The following KLHL31 variants were observed in gnomAD, a reference collection of about 807,000 sequenced individuals.
KLHL31 encodes kelch like family member 31.
Under a neutral mutation model 47.1 loss-of-function variants are expected in KLHL31, and 32 were observed. That is an observed-to-expected ratio of 0.68 (90% CI 0.51 to 0.91). The LOEUF (loss-of-function observed/expected upper bound fraction) is 0.91, where lower values mean the gene tolerates loss of function less well. Ranked by LOEUF, KLHL31 falls within the 40% of genes least tolerant of loss-of-function variation. KLHL31 has a pLI of 0.00. For synonymous variants in KLHL31, 330 were observed against 325.1 expected, an observed-to-expected ratio of 1.01 and a Z score of -0.16; for missense variants, 797 against 819.3, an observed-to-expected ratio of 0.97 and a Z score of 0.33.
In KLHL31 at chr6:53,655,284, C is replaced by T. The variant is rs773350638; in HGVS notation, c.-12G>A. ...TTTTTGGGTGCCATGTTGGCAAATA[C>T]ACTGTTACAGGCAAGAGCTTGCTAA... On this transcript the variant is annotated 5_prime_UTR_variant, in exon 2 of 3. Coordinates refer to ENST00000370905, the MANE Select transcript of KLHL31 (RefSeq NM_001003760.5). 1.6e-5 allele frequency: 25 copies of T among 1,523,234 alleles called. No individual in the cohort carries two copies. Among genetic ancestry groups the T allele is most frequent in the South Asian group, 1.6e-4 (12 of 76,990 alleles). 94.4% of individuals were successfully genotyped at this position (1,523,234 alleles called of 1,614,324 possible).
Position 53,652,152 on chromosome 6 carries a change from G to A in KLHL31, c.1351C>T (p.Pro451Ser). Reference protein sequence around the residue: ...PSTNQWQPKTPLEVARCCHAS... With the variant: ...PSTNQWQPKTSLEVARCCHAS... Reference sequence around the variant, plus strand: ...TGGCAGCAGCGCGCCACCTCCAGGGGCGTCTTCGGCTGCCACTGATTGGTG... The same window carrying A: ...TGGCAGCAGCGCGCCACCTCCAGGGACGTCTTCGGCTGCCACTGATTGGTG... Residue 451 changes from proline (P) to serine (S), a missense_variant, in exon 3 of 3, where the codon CCC (proline) becomes TCC (serine). Physicochemically the swap from Pro to Ser is moderately conservative, Grantham distance 74 (BLOSUM62 -1). Coordinates refer to ENST00000370905, the MANE Select transcript of KLHL31 (RefSeq NM_001003760.5). 6.2e-7 allele frequency: 1 copy of A among 1,605,542 alleles called. No homozygotes were observed. Among genetic ancestry groups the A allele is most frequent in the Non-Finnish European group, 8.5e-7 (1 of 1,179,066 alleles).
Position 53,649,253 on chromosome 6 carries a change from A to G in KLHL31, c.*2345T>C, listed in dbSNP as rs959586801. On this transcript the variant is annotated 3_prime_UTR_variant, in exon 3 of 3. Coordinates refer to ENST00000370905, the MANE Select transcript of KLHL31 (RefSeq NM_001003760.5). ...AAACTTTCACCGACCCTTACATTCC[A>G]TACTCCTCGCCAATGTGTTATGTCA... is the stretch of plus-strand genomic sequence containing the variant. 1.1e-4 allele frequency: 17 copies of G among 152,230 alleles called. No homozygotes were observed. Among genetic ancestry groups the G allele is most frequent in the African/African-American group, 3.9e-4 (16 of 41,552 alleles). 9.4% of individuals were successfully genotyped at this position (152,230 alleles called of 1,614,324 possible). A position where few individuals can be genotyped will look rare whatever the true frequency, so the allele number is the denominator to read the frequency against.
intron 1 of KLHL31, among the ~76,000 whole-genome samples, chr6:53,660,677 G>C (rs150120468): frequency 2.0e-5 from 3 of 152,150 alleles, no homozygotes; most frequent in Admixed American, 6.5e-5. Context: ...AGCTGGATGT[G>C]GTGGCATGCA....
At chr6:53,653,469 A>G (rs143661124) in intron 2 of KLHL31, among the ~76,000 whole-genome samples, 388 of 152,370 alleles carry the variant, frequency 2.5e-3, no homozygotes, top group Non-Finnish European at 4.3e-3. Flanking sequence ...TTTTAATCAT[A>G]AATATATAAA....
chr6:53,648,957 G>A lies in KLHL31; in HGVS notation c.*2641C>T, dbSNP rs1388286640. 5 of 152,074 alleles carry A rather than the reference G, an allele frequency of 3.3e-5. No individual in the cohort carries two copies. The highest frequency in any genetic ancestry group is 4.2e-4 in the South Asian group (2 of 4,818). The allele number at this position is 152,074 out of a possible 1,614,324, so 9.4% of individuals were successfully genotyped here. ...TTTTATTTGATCACAGGACTCAGCC[G>A]TTACAAAAATAACAAGTCATTTTCT... On this transcript the variant is annotated 3_prime_UTR_variant, in exon 3 of 3. Coordinates refer to ENST00000370905, the MANE Select transcript of KLHL31 (RefSeq NM_001003760.5).
Position 53,651,606 on chromosome 6 carries a change from T to C in KLHL31, c.1897A>G (p.Ser633Gly), listed in dbSNP as rs369927487. The part of the protein sequence containing the change: ...RASSVSSVPV[S>G]I ...CCTGCATCTACCTGGGCTCAGATAC[T>C]GACTGGCACAGAAGATACCGAACTG... The change falls in exon 3 of 3, where the codon AGT becomes GGT. Residue 633 changes from serine to glycine, a missense_variant. Ser to Gly is a moderately conservative substitution (Grantham distance 56). Coordinates refer to ENST00000370905, the MANE Select transcript of KLHL31 (RefSeq NM_001003760.5). The C allele has an allele frequency of 1.9e-6, 3 of 1,610,836 alleles. No individual in the cohort carries two copies. The South Asian group carries it at 3.3e-5, about 18-fold the overall frequency.
chr6:53,651,096 ATTAAATC>A lies in KLHL31; in HGVS notation c.*495_*501del, dbSNP rs1764456101. On this transcript the variant is annotated 3_prime_UTR_variant, in exon 3 of 3. Transcript: ENST00000370905. ...GGGGAAAATTGCGTTGAAATACAGA[ATTAAATC>A]TTAAGTCTTTATGGAGATCGACAAT... 1 of 152,356 alleles carries A rather than the reference ATTAAATC, an allele frequency of 6.6e-6. No individual in the cohort carries two copies. Among genetic ancestry groups the A allele is most frequent in the African/African-American group, 2.4e-5 (1 of 41,452 alleles). 9.4% of individuals were successfully genotyped at this position (152,356 alleles called of 1,614,324 possible).
Position 53,654,641 on chromosome 6 carries a change from A to G in KLHL31, c.632T>C (p.Leu211Pro). 1.2e-6 allele frequency: 2 copies of G among 1,614,200 alleles called. No individual in the cohort carries two copies. Among genetic ancestry groups the G allele is most frequent in the Non-Finnish European group, 1.7e-6 (2 of 1,180,022 alleles). ...EFAESDQFMK[L>P]TFEQINELLI... ...AAGTTCATTAATTTGTTCAAATGTA[A>G]GTTTCATAAACTGATCCGATTCTGC... Residue 211 changes from leucine to proline, a missense_variant, in exon 2 of 3, where the codon CTT (leucine) becomes CCT (proline). Physicochemically the swap from Leu to Pro is moderately conservative, Grantham distance 98. Transcript: ENST00000370905.
intron 1 of KLHL31, among the ~76,000 whole-genome samples, chr6:53,663,640 A>G (rs954596426): frequency 2.6e-5 from 4 of 152,232 alleles, no homozygotes; most frequent in African/African-American, 7.2e-5. Context: ...TACAGACTCT[A>G]TGCACTAAGT....
chr6:53,657,386 A>G (rs1289822669), intron 1 of KLHL31, among the ~76,000 whole-genome samples: 1 of 152,206 alleles, frequency 6.6e-6, no homozygotes, highest in Non-Finnish European at 1.5e-5. Context: ...AACACTATAG[A>G]AAACTTATAT....
chr6:53,654,360 G>T lies in KLHL31; in HGVS notation c.913C>A (p.Gln305Lys), dbSNP rs774390440. 9 of 1,614,092 alleles carry T rather than the reference G, an allele frequency of 5.6e-6. No individual in the cohort carries two copies. Among genetic ancestry groups the T allele is most frequent in the Non-Finnish European group, 7.6e-6 (9 of 1,180,040 alleles). The change falls in exon 2 of 3, where the codon CAA (glutamine) becomes AAA (lysine). Residue 305 changes from glutamine (Q) to lysine (K), a missense_variant. Coordinates refer to ENST00000370905, the MANE Select transcript of KLHL31 (RefSeq NM_001003760.5). ...HLLPYHQNTLQSRRTRIRGGC... is the reference protein window; with the variant it reads ...HLLPYHQNTLKSRRTRIRGGC... ...CCTCGGATTCTTGTTCGCCTAGATT[G>T]CAATGTGTTTTGATGATATGGAAGC...
chr6:53,652,312 G>A lies in KLHL31; in HGVS notation c.1191C>T (p.Asn397=). ...SNFCRYDPRF[N]TWIHLASMNQ... is the part of the protein sequence containing the mutation. ...TCATGCTGGCCAGGTGTATCCAGGT[G>A]TTGAAGCGGGGATCGTATCTGGAAA... Residue 397 remains asparagine (N), a synonymous_variant, in exon 3 of 3, where the codon AAC becomes AAT. Coordinates refer to ENST00000370905, the MANE Select transcript of KLHL31 (RefSeq NM_001003760.5). The A allele has an allele frequency of 1.2e-6, 2 of 1,614,088 alleles. No homozygotes were observed. Among genetic ancestry groups the A allele is most frequent in the Non-Finnish European group, 1.7e-6 (2 of 1,180,046 alleles).
intron 1 of KLHL31, 143 bp downstream of exon 1, chr6:53,665,458 A>G (rs1037197319): frequency 6.6e-6 from 1 of 152,168 alleles, no homozygotes; most frequent in African/African-American, 2.4e-5. Context: ...AGGGACATGA[A>G]CCACCTGACC....
chr6:53,661,762 A>C (rs1764649359), intron 1 of KLHL31, among the ~76,000 whole-genome samples: 2 of 152,184 alleles, frequency 1.3e-5, no homozygotes, highest in African/African-American at 4.8e-5. Flanking sequence ...TTCACTGTGC[A>C]CTTCTAGGTC....
At chr6:53,658,729 A>T (rs1354216344) in intron 1 of KLHL31, among the ~76,000 whole-genome samples, 1 of 152,200 alleles carries the variant, frequency 6.6e-6, no homozygotes, top group African/African-American at 2.4e-5. Context: ...ATTAATAACA[A>T]TAAGCTATCT....
At position 53,648,436 on chromosome 6, in the gene KLHL31, GC is replaced by G. The variant is rs1188399752; in HGVS notation, c.*3161del. 6.6e-6 allele frequency: 1 copy of G among 152,072 alleles called. No homozygotes were observed. The highest frequency in any genetic ancestry group is 1.5e-5 in the Non-Finnish European group (1 of 67,988). The allele number at this position is 152,072 out of a possible 1,614,324, so 9.4% of individuals were successfully genotyped here. ...CTTGGATGAGTTCTGAAGACACTTGGCCAGGATAACCAGCAAAAAAATAAAA... is the reference window on the plus strand; with the variant it reads ...CTTGGATGAGTTCTGAAGACACTTGGCAGGATAACCAGCAAAAAAATAAAA... On this transcript the variant is annotated 3_prime_UTR_variant, in exon 3 of 3. Coordinates refer to ENST00000370905, the MANE Select transcript of KLHL31 (RefSeq NM_001003760.5).
At position 53,654,559 on chromosome 6, in the gene KLHL31, C is replaced by T. The variant is rs1488767516; in HGVS notation, c.714G>A (p.Met238Ile). Residue 238 changes from methionine to isoleucine, a missense_variant, in exon 2 of 3, where the codon ATG becomes ATA. Met to Ile is a conservative substitution (Grantham distance 10). Transcript: ENST00000370905. ...PSEIVAFQIAMKWLEFDQKRV... is the reference protein window; with the variant it reads ...PSEIVAFQIAIKWLEFDQKRV... The stretch of plus-strand genomic sequence containing the variant: ...TCTTTTGGTCAAATTCTAACCATTT[C>T]ATTGCAATCTGGAATGCTACTATCT... 1 of 1,614,024 alleles carries T rather than the reference C, an allele frequency of 6.2e-7. No homozygotes were observed. The highest frequency in any genetic ancestry group is 2.2e-5 in the East Asian group (1 of 44,888).
rs958173616 is a variant in KLHL31, at chr6:53,651,060, A to G, written c.*538T>C. ...GATATCTTTCAAAATCCTTTACTCA[A>G]TCACATATGGGGGGAAAATTGCGTT... On this transcript the variant is annotated 3_prime_UTR_variant, in exon 3 of 3. Transcript: ENST00000370905. The G allele has an allele frequency of 1.3e-5, 2 of 152,224 alleles. No individual in the cohort carries two copies. Among genetic ancestry groups the G allele is most frequent in the African/African-American group, 4.8e-5 (2 of 41,416 alleles). The allele number at this position is 152,224 out of a possible 1,614,324, so 9.4% of individuals were successfully genotyped here. A position where few individuals can be genotyped will look rare whatever the true frequency, so the allele number is the denominator to read the frequency against.
Position 53,652,089 on chromosome 6 carries a change from C to T in KLHL31, c.1414G>A (p.Gly472Arg), listed in dbSNP as rs142951328. 1.3e-6 allele frequency: 2 copies of T among 1,599,024 alleles called. No homozygotes were observed. Among genetic ancestry groups the T allele is most frequent in the South Asian group, 1.1e-5 (1 of 90,750 alleles). The change falls in exon 3 of 3, where the codon GGA (glycine) becomes AGA (arginine). Residue 472 changes from glycine to arginine, a missense_variant. Coordinates refer to ENST00000370905, the MANE Select transcript of KLHL31 (RefSeq NM_001003760.5). ...AVADGRVLVTGGYIANAYSRS... is the reference protein window; with the variant it reads ...AVADGRVLVTRGYIANAYSRS... ...GAGTAGGCGTTGGCTATGTAGCCTC[C>T]GGTCACCAGCACGCGGCCGTCGGCG... is the stretch of plus-strand genomic sequence containing the variant.
Sources: gnomAD v4.1 joint callset for allele counts (sites outside exome capture counted in the v4.1 genomes callset) on GRCh38, gnomAD v4.1.1 for gene constraint, MANE v1.5 for transcripts, NCBI Gene and HGNC (gene_info 2026-07-23, HGNC 2026-07-21) for gene names.